Variants in NANOS3 observed in about 807,000 individuals in gnomAD.
The protein encoded by NANOS3 is nanos homolog 3.
Under a neutral mutation model 13.8 loss-of-function variants are expected in NANOS3, and 11 were observed. That is an observed-to-expected ratio of 0.80 (90% confidence interval 0.50 to 1.32). The LOEUF (loss-of-function observed/expected upper bound fraction) is 1.32, where lower values mean the gene tolerates loss of function less well. NANOS3 is among the 40% of genes most tolerant of loss of function. The probability of loss-of-function intolerance (pLI) is 0.00; values close to 1 mark genes in which losing one functional copy is unlikely to be tolerated. For missense variants in NANOS3, 221 were observed against 263.8 expected (o/e 0.84, Z 1.12); for synonymous variants, 119 against 115.4 (o/e 1.03, Z -0.20).
chr19:13,879,376 A>T (rs1159944629), intron 1 of NANOS3, among the ~76,000 whole-genome samples: 1 of 152,190 alleles, frequency 6.6e-6, no homozygotes, highest in Non-Finnish European at 1.5e-5. Flanking sequence ...CTCCTGGAGG[A>T]TAGTGACTGG....
intron 1 of NANOS3, among the ~76,000 whole-genome samples, chr19:13,868,683 TAAA>T (rs34546663): frequency 1.4e-5 from 2 of 142,086 alleles, no homozygotes; most frequent in Non-Finnish European, 1.5e-5. Context: ...TAGTCTCTTT[TAAA>T]AAAAAAAAAA....
In NANOS3 at chr19:13,869,093, C is replaced by T. The variant is rs115379240; in HGVS notation, n.21+3656C>T. On this transcript the variant is annotated intron_variant and non_coding_transcript_variant, in intron 1 of 2. Transcript: ENST00000591161. ...AAACATCCTACAAGAGTTCTTGAGA[C>T]GGAGCCCACCCTGACCCCAAACCCA... 2.5e-3 allele frequency among the ~76,000 whole-genome samples: 377 copies of T among 152,236 alleles called. 2 individuals are homozygous for T. The highest frequency in any genetic ancestry group is 8.6e-3 in the African/African-American group (358 of 41,530).
chr19:13,874,359 G>A (rs148523174), upstream of NANOS3, among the ~76,000 whole-genome samples: 672 of 152,308 alleles, frequency 4.4e-3, 5 homozygotes, highest in African/African-American at 0.015. Flanking sequence ...CACTTGGAAT[G>A]CCTCCTCCAC....
intron 1 of NANOS3, among the ~76,000 whole-genome samples, chr19:13,878,096 A>C (rs754782338): frequency 3.2e-4 from 49 of 151,534 alleles, no homozygotes; most frequent in Admixed American, 2.0e-3. Context: ...GCCCGGCTAA[A>C]TTTTGTATTT....
chr19:13,862,385 C>T (rs963823273), upstream of NANOS3, among the ~76,000 whole-genome samples: 2 of 152,216 alleles, frequency 1.3e-5, no homozygotes, highest in East Asian at 1.9e-4. Flanking sequence ...TGAGATCAGT[C>T]CCGCCGGCCT....
upstream of NANOS3, among the ~76,000 whole-genome samples, chr19:13,874,365 T>C (rs556634413): frequency 6.6e-6 from 1 of 152,280 alleles, no homozygotes; most frequent in East Asian, 1.9e-4. Flanking sequence ...GAATGCCTCC[T>C]CCACCTCGGA....
In NANOS3 at chr19:13,877,219, C is replaced by G; in HGVS notation, c.-30C>G. The G allele has an allele frequency of 1.3e-6, 2 of 1,571,444 alleles. No individual in the cohort carries two copies. Among genetic ancestry groups the G allele is most frequent in the South Asian group, 2.3e-5 (2 of 87,440 alleles). ...CAGGCAGGGTTACTTGTCTCTGTGA[C>G]TCCTTCCGCCTGGCACATGCTGCCC... On this transcript the variant is annotated 5_prime_UTR_variant, in exon 1 of 2. Transcript: ENST00000339133.
chr19:13,876,044 C>T (rs1599303976), upstream of NANOS3, among the ~76,000 whole-genome samples: 2 of 152,302 alleles, frequency 1.3e-5, no homozygotes, highest in Middle Eastern at 3.4e-3. Flanking sequence ...GGTTCTTTCT[C>T]ACCCCTCTGC....
chr19:13,875,646 G>C (rs141774765), upstream of NANOS3, among the ~76,000 whole-genome samples: 65 of 151,880 alleles, frequency 4.3e-4, no homozygotes, highest in African/African-American at 1.5e-3. Flanking sequence ...GGAGTCAAGC[G>C]TTGATCCTCC....
chr19:13,872,856 C>T (rs1434419840), upstream of NANOS3, among the ~76,000 whole-genome samples: 8 of 151,102 alleles, frequency 5.3e-5, no homozygotes, highest in Non-Finnish European at 1.2e-4. Flanking sequence ...GACCCCGACC[C>T]GGGGCGGGTG....
At chr19:13,866,366 TACCCATTCCAC>T (rs1173547022) in intron 1 of NANOS3, among the ~76,000 whole-genome samples, 1 of 150,394 alleles carries the variant, frequency 6.6e-6, no homozygotes, top group Non-Finnish European at 1.5e-5. Context: ...TCTCTTTCCC[TACCCATTCCAC>T]ACCCCTGGAC....
Position 13,877,708 on chromosome 19 carries a change from C to A in NANOS3, c.460C>A (p.Pro154Thr), listed in dbSNP as rs761706410. The A allele has an allele frequency of 1.7e-5, 28 of 1,605,270 alleles. No homozygotes were observed. In the Admixed American group the frequency reaches 2.7e-4, roughly 16 times the overall value. ...RNSAGKKLVR[P>T]DKAKTQDTGH... ...CTCGGCAGGCAAGAAGCTGGTCCGG[C>A]CTGACAAGGCGAAGACACAGGACAC... Residue 154 changes from proline to threonine, a missense_variant, in exon 1 of 2, where the codon CCT becomes ACT. Physicochemically the swap from Pro to Thr is conservative, Grantham distance 38. This residue lies in a region of NANOS3 where 60 missense variants were observed against 56.5 expected (regional missense o/e 1.06). Transcript: ENST00000339133.
At chr19:13,871,258 G>A (rs184201029) in intron 1 of NANOS3, among the ~76,000 whole-genome samples, 7 of 152,256 alleles carry the variant, frequency 4.6e-5, no homozygotes, top group African/African-American at 1.7e-4. Flanking sequence ...GGCAGATCCA[G>A]ACAGTTTGAG....
upstream of NANOS3, among the ~76,000 whole-genome samples, chr19:13,864,774 A>G (rs1976206068): frequency 6.6e-6 from 1 of 151,864 alleles, no homozygotes; most frequent in African/African-American, 2.4e-5. Flanking sequence ...CCTGTCCTGA[A>G]TGTGGTGTGT....
At chr19:13,864,503 G>A (rs541675298), upstream of NANOS3, among the ~76,000 whole-genome samples, 2 of 152,192 alleles carry the variant, frequency 1.3e-5, no homozygotes, top group South Asian at 4.2e-4. Flanking sequence ...GTGTGTGTCT[G>A]TGAACTTTGT....
In NANOS3 at chr19:13,877,173, T is replaced by G; in HGVS notation, c.-76T>G. On this transcript the variant is annotated 5_prime_UTR_variant, in exon 1 of 2. Transcript: ENST00000339133. ...GGAAGGAAGGGGCAGCAGAGAGGGG[T>G]CAGAAGGAGGGAGCTTAAGCCAGGC... The G allele has an allele frequency of 1.6e-6, 2 of 1,274,082 alleles. No homozygotes were observed. The highest frequency in any genetic ancestry group is 2.2e-6 in the Non-Finnish European group (2 of 905,090). The allele number at this position is 1,274,082 out of a possible 1,614,324, so 78.9% of individuals were successfully genotyped here.
upstream of NANOS3, among the ~76,000 whole-genome samples, chr19:13,872,590 T>G (rs769614818): frequency 2.0e-5 from 3 of 152,170 alleles, no homozygotes; most frequent in Admixed American, 1.3e-4. Context: ...GTAATGTAAT[T>G]ATTAACACCT....
At chr19:13,869,967 A>C (rs1266257748) in intron 1 of NANOS3, among the ~76,000 whole-genome samples, 2 of 152,022 alleles carry the variant, frequency 1.3e-5, no homozygotes, top group Non-Finnish European at 2.9e-5. Context: ...AGACTTCAAG[A>C]ATCACGGGCA....
At chr19:13,867,664 T>C (rs1976263094) in intron 1 of NANOS3, among the ~76,000 whole-genome samples, 1 of 152,026 alleles carries the variant, frequency 6.6e-6, no homozygotes, top group Admixed American at 6.6e-5. Flanking sequence ...CAGACTCAAA[T>C]GATCCTCCCA....
Sources: allele counts gnomAD v4.1 joint callset (sites outside exome capture counted in the v4.1 genomes callset), GRCh38; gene constraint gnomAD v4.1.1; regional missense constraint gnomAD v4.1.1; transcripts MANE v1.5; gene names NCBI Gene and HGNC (gene_info 2026-07-23, HGNC 2026-07-21).